CBFA2T2: variants seen among roughly 807,000 people sequenced by gnomAD.
The protein encoded by CBFA2T2 is CBFA2/RUNX1 partner transcriptional co-repressor 2, also known as protein CBFA2T2.
A neutral mutation model predicts 62.2 loss-of-function variants in CBFA2T2; 11 were observed. That is an observed-to-expected ratio of 0.18 (90% CI 0.11 to 0.29). The LOEUF is 0.29. Ranked by LOEUF, CBFA2T2 falls within the 10% of genes least tolerant of loss-of-function variation. The pLI, the probability that CBFA2T2 is intolerant of heterozygous loss-of-function variation, is 1.00. For missense variants in CBFA2T2, 592 were observed against 774.1 expected (o/e 0.76, Z 2.79); for synonymous variants, 295 against 287.5 (o/e 1.03, Z -0.27).
At chr20:33,544,770 C>T (rs2012490688) in intron 1 of CBFA2T2, among the ~76,000 whole-genome samples, 1 of 152,210 alleles carries the variant, frequency 6.6e-6, no homozygotes, top group South Asian at 2.1e-4. Flanking sequence ...TGGTCATGAA[C>T]TCCTGACCTC....
chr20:33,598,624 A>T (rs1215582716), intron 1 of CBFA2T2, among the ~76,000 whole-genome samples: 1 of 152,216 alleles, frequency 6.6e-6, no homozygotes, highest in Non-Finnish European at 1.5e-5. Context: ...CAATTATTAC[A>T]GAGTCCTGAG....
intron 1 of CBFA2T2, among the ~76,000 whole-genome samples, chr20:33,540,230 C>T (rs933896908): frequency 6.6e-6 from 1 of 152,130 alleles, no homozygotes; most frequent in Non-Finnish European, 1.5e-5. Flanking sequence ...TTCAGTATTT[C>T]CTTTAGGTTT....
At chr20:33,490,409 G>A in intron 1 of CBFA2T2, 108 bp downstream of exon 1, 1 of 1,086,236 alleles carries the variant, frequency 9.2e-7, no homozygotes, top group Non-Finnish European at 1.2e-6. Flanking sequence ...AGTGGAAACT[G>A]AGGCCCGAAG....
Position 33,647,794 on chromosome 20 carries a change from G to C in CBFA2T2, c.*3148G>C, listed in dbSNP as rs1214631467. 3 of 152,348 alleles carry C rather than the reference G, an allele frequency of 2.0e-5. No individual in the cohort carries two copies. The highest frequency in any genetic ancestry group is 7.2e-5 in the African/African-American group (3 of 41,470). 9.4% of individuals were successfully genotyped at this position (152,348 alleles called of 1,614,324 possible). On this transcript the variant is annotated 3_prime_UTR_variant, in exon 11 of 11. Transcript: ENST00000342704. ...TGACAGTTTCGTTTTCTGAATCTTT[G>C]TAATGCTCTTCCACCCTGCTCGTGC...
intron 1 of CBFA2T2, among the ~76,000 whole-genome samples, chr20:33,590,373 C>A (rs893099567): frequency 6.6e-6 from 1 of 151,962 alleles, no homozygotes; most frequent in Non-Finnish European, 1.5e-5. Context: ...AAACAGAGGG[C>A]TTAATTAGCG....
chr20:33,621,313 T>TTTTTTTTTTTTTG (rs1491565812), intron 4 of CBFA2T2, among the ~76,000 whole-genome samples: 5 of 108,140 alleles, frequency 4.6e-5, no homozygotes, highest in Non-Finnish European at 9.3e-5. Flanking sequence ...TTTTTTTTTT[T>TTTTTTTTTTTTTG]GGGGAGACAA....
chr20:33,597,161 A>G (rs1041410346), intron 1 of CBFA2T2, among the ~76,000 whole-genome samples: 3 of 151,318 alleles, frequency 2.0e-5, no homozygotes, highest in Admixed American at 6.6e-5. Flanking sequence ...CAAACTCTGG[A>G]CTCAAGCCAT....
At chr20:33,554,052 A>G (rs979167469) in intron 1 of CBFA2T2, among the ~76,000 whole-genome samples, 2 of 152,070 alleles carry the variant, frequency 1.3e-5, no homozygotes, top group Non-Finnish European at 2.9e-5. Context: ...TGTAGATTGA[A>G]ATTTTACAAT....
chr20:33,594,116 T>C (rs2014783506), intron 1 of CBFA2T2, among the ~76,000 whole-genome samples: 1 of 152,210 alleles, frequency 6.6e-6, no homozygotes, highest in African/African-American at 2.4e-5. Context: ...GATGAAGCAG[T>C]CCAGGTGAGA....
intron 1 of CBFA2T2, 138 bp from the exon 2 acceptor site, chr20:33,606,818 G>T: frequency 1.4e-6 from 1 of 728,856 alleles, no homozygotes. Context: ...TTGGGATGTG[G>T]ACATATCTTT....
intron 10 of CBFA2T2, among the ~76,000 whole-genome samples, chr20:33,642,603 TAAAAAAA>T (rs561925371): frequency 7.1e-6 from 1 of 141,622 alleles, no homozygotes; most frequent in Admixed American, 7.1e-5. Context: ...CCCATCTCTT[TAAAAAAA>T]AAAAGAAAAA....
At chr20:33,534,751 C>CTT (rs11167206) in intron 1 of CBFA2T2, among the ~76,000 whole-genome samples, 15,751 of 92,970 alleles carry the variant, frequency 0.17, 3,039 homozygotes, top group East Asian at 0.37. Context: ...ATCTTTTTAG[C>CTT]TTTTTTTTTT....
chr20:33,547,177 G>A (rs747817725), intron 1 of CBFA2T2, among the ~76,000 whole-genome samples: 1 of 152,076 alleles, frequency 6.6e-6, no homozygotes, highest in African/African-American at 2.4e-5. Context: ...TCTAGCCTGG[G>A]CAACAGGGCG....
chr20:33,591,853 C>CG (rs2014656767), intron 1 of CBFA2T2, among the ~76,000 whole-genome samples: 1 of 6,050 alleles, frequency 1.7e-4, no homozygotes, highest in Non-Finnish European at 3.5e-4. Flanking sequence ...CCAATTGTGG[C>CG]GGGGTGGGAG....
chr20:33,510,280 GGCTCACT>G (rs1481251888), intron 1 of CBFA2T2, among the ~76,000 whole-genome samples: 2 of 146,996 alleles, frequency 1.4e-5, no homozygotes, highest in African/African-American at 2.5e-5. Context: ...GCGCTATCTT[GGCTCACT>G]GCAAGCTCCA....
intron 1 of CBFA2T2, among the ~76,000 whole-genome samples, chr20:33,560,488 G>A (rs977150146): frequency 2.0e-5 from 3 of 152,148 alleles, no homozygotes; most frequent in Admixed American, 2.0e-4. Flanking sequence ...GCAATGCAGG[G>A]AACTAGAATA....
chr20:33,527,520 G>A (rs6141406), intron 1 of CBFA2T2, among the ~76,000 whole-genome samples: 6,230 of 151,826 alleles, frequency 0.041, 180 homozygotes, highest in Middle Eastern at 0.088. Flanking sequence ...TCACAGATGC[G>A]TGCCACTACG....
At chr20:33,518,390 CTATGGACTAGGTAGATA>C (rs2011641454) in intron 1 of CBFA2T2, among the ~76,000 whole-genome samples, 1 of 152,046 alleles carries the variant, frequency 6.6e-6, no homozygotes, top group Non-Finnish European at 1.5e-5. Context: ...CTGAGCCAGT[CTATGGACTAGGTAGATA>C]TATTGGGGAG....
At chr20:33,636,778 T>C (rs2122377975) in intron 9 of CBFA2T2, 70 bp downstream of exon 9, 1 of 1,167,186 alleles carries the variant, frequency 8.6e-7, no homozygotes, top group Admixed American at 1.7e-5. Flanking sequence ...GATAACTGGG[T>C]GAATGGTTGG....
Sources: gnomAD v4.1 joint callset for allele counts (sites outside exome capture counted in the v4.1 genomes callset) on GRCh38, gnomAD v4.1.1 for gene constraint, MANE v1.5 for transcripts, NCBI Gene and HGNC (gene_info 2026-07-23, HGNC 2026-07-21) for gene names.